IRS1: variants seen among roughly 807,000 people sequenced by gnomAD.
IRS1 encodes the protein insulin receptor substrate 1.
A neutral mutation model predicts 65.6 loss-of-function variants in IRS1; 34 were observed. That is an observed-to-expected ratio of 0.52 (90% CI 0.39 to 0.69). The LOEUF (loss-of-function observed/expected upper bound fraction) is 0.69, where lower values mean the gene tolerates loss of function less well. IRS1 is among the 30% of genes least tolerant of loss of function. The pLI is 0.00. For missense variants in IRS1, 1,641 were observed against 1,720.2 expected (o/e 0.95, Z 0.81); for synonymous variants, 699 against 683.5 (o/e 1.02, Z -0.35).
chr2:226,741,720 C>T (rs777359831), intron 1 of IRS1, among the ~76,000 whole-genome samples: 5 of 149,986 alleles, frequency 3.3e-5, no homozygotes, highest in African/African-American at 7.3e-5. Flanking sequence ...TTCTAGAATG[C>T]TTATTAATAA....
At chr2:226,741,169 TAA>T in intron 1 of IRS1, among the ~76,000 whole-genome samples, 1 of 152,186 alleles carries the variant, frequency 6.6e-6, no homozygotes, top group Non-Finnish European at 1.5e-5. Flanking sequence ...ATGCTGCATT[TAA>T]TGTCCCCTCA....
chr2:226,779,928 G>GGCTATTT (rs1352312504), intron 1 of IRS1, among the ~76,000 whole-genome samples: 8 of 152,136 alleles, frequency 5.3e-5, no homozygotes, highest in African/African-American at 1.9e-4. Context: ...ACCTACCAAG[G>GGCTATTT]GCTACACTGG....
chr2:226,781,041 A>G (rs1250241757), intron 1 of IRS1, among the ~76,000 whole-genome samples: 1 of 152,206 alleles, frequency 6.6e-6, no homozygotes, highest in East Asian at 1.9e-4. Context: ...AGTAGGAAGG[A>G]GTGCCATAAA....
At chr2:226,752,640 G>A (rs1938707412) in intron 1 of IRS1, among the ~76,000 whole-genome samples, 2 of 152,234 alleles carry the variant, frequency 1.3e-5, no homozygotes, top group African/African-American at 2.4e-5. Context: ...CTGCTGGACA[G>A]TGCAATTCAC....
At chr2:226,767,159 A>G (rs1452783607) in intron 1 of IRS1, among the ~76,000 whole-genome samples, 1 of 152,244 alleles carries the variant, frequency 6.6e-6, no homozygotes, top group Non-Finnish European at 1.5e-5. Flanking sequence ...TCTAGCCTAC[A>G]GGAAGATTAA....
Position 226,794,153 on chromosome 2 carries a change from C to G in IRS1, c.*21+836G>C, listed in dbSNP as rs1208737584. Among the ~76,000 whole-genome samples the G allele has an allele frequency of 1.3e-5, 2 of 152,168 alleles. No individual in the cohort carries two copies. Among genetic ancestry groups the G allele is most frequent in the African/African-American group, 4.8e-5 (2 of 41,438 alleles). ...AGCCCCCAAATGATATCTGTAATGT[C>G]TCAGTGCAAGAAGAGATAACTATAA... On this transcript the variant is annotated intron_variant, in intron 1 of 1. Transcript: ENST00000305123. The surrounding 1 kb of genome is among the most constrained non-coding windows in gnomAD (Gnocchi z 4.1).
intron 1 of IRS1, among the ~76,000 whole-genome samples, chr2:226,766,352 C>T (rs1036289955): frequency 6.0e-5 from 9 of 149,352 alleles, no homozygotes; most frequent in East Asian, 2.0e-4. Flanking sequence ...TTAGTAGAGA[C>T]GGGGTTTTGC....
At chr2:226,782,425 A>G (rs1269388944) in intron 1 of IRS1, among the ~76,000 whole-genome samples, 2 of 152,204 alleles carry the variant, frequency 1.3e-5, no homozygotes, top group Non-Finnish European at 2.9e-5. Context: ...AATAATCAGC[A>G]ACTTTGTGTT....
At chr2:226,792,190 A>C (rs1197050327) in intron 1 of IRS1, 2 of 152,146 alleles carry the variant, frequency 1.3e-5, no homozygotes, top group East Asian at 3.9e-4. Context: ...AATGACAAAA[A>C]CAAAAAAACT....
At chr2:226,770,540 C>A (rs557960222) in intron 1 of IRS1, among the ~76,000 whole-genome samples, 1 of 152,278 alleles carries the variant, frequency 6.6e-6, no homozygotes, top group South Asian at 2.1e-4. Flanking sequence ...TAGTGAATGG[C>A]TTTACAAATA....
rs1938314078 is a variant in IRS1, at chr2:226,735,844, G to A, written c.*428C>T. 6.5e-6 allele frequency: 1 copy of A among 152,744 alleles called. No individual in the cohort carries two copies. The highest frequency in any genetic ancestry group is 1.5e-5 in the Non-Finnish European group (1 of 68,030). The allele number at this position is 152,744 out of a possible 1,614,324, so 9.5% of individuals were successfully genotyped here. On this transcript the variant is annotated 3_prime_UTR_variant, in exon 2 of 2. Coordinates refer to ENST00000305123, the MANE Select transcript of IRS1 (RefSeq NM_005544.3). ...ATACTCTCTCCACCCAACGTGAACAGTTTTGTATGAAATAATTTACAATGA... is the reference window on the plus strand; with the variant it reads ...ATACTCTCTCCACCCAACGTGAACAATTTTGTATGAAATAATTTACAATGA...
intron 1 of IRS1, among the ~76,000 whole-genome samples, chr2:226,774,214 C>CA (rs1260273347): frequency 6.6e-6 from 1 of 152,054 alleles, no homozygotes; most frequent in African/African-American, 2.4e-5. Flanking sequence ...TATACTGAAT[C>CA]AAAATCACAA....
chr2:226,784,000 T>C (rs1939438002), intron 1 of IRS1, among the ~76,000 whole-genome samples: 1 of 151,870 alleles, frequency 6.6e-6, no homozygotes, highest in Admixed American at 6.6e-5. Context: ...ACTAGATATG[T>C]GAGGAAGAGC....
intron 1 of IRS1, among the ~76,000 whole-genome samples, chr2:226,771,325 G>A (rs974933183): frequency 3.9e-5 from 6 of 152,064 alleles, no homozygotes; most frequent in African/African-American, 1.2e-4. Context: ...GCTGTCCGGT[G>A]GCTCAGTAGG....
At chr2:226,772,498 A>G (rs1234547622) in intron 1 of IRS1, among the ~76,000 whole-genome samples, 1 of 152,148 alleles carries the variant, frequency 6.6e-6, no homozygotes, top group Non-Finnish European at 1.5e-5. Context: ...CTTGCACTAA[A>G]ACAAATACAG....
At chr2:226,783,035 A>T (rs185625911) in intron 1 of IRS1, among the ~76,000 whole-genome samples, 2 of 152,328 alleles carry the variant, frequency 1.3e-5, no homozygotes, top group East Asian at 3.9e-4. Flanking sequence ...CCTCTAACCT[A>T]GTTCATAGTA....
chr2:226,798,332 C>A lies in IRS1; in HGVS notation c.407G>T (p.Cys136Phe). 4.3e-6 allele frequency: 7 copies of A among 1,613,432 alleles called. No individual in the cohort carries two copies. Among genetic ancestry groups the A allele is most frequent in the Non-Finnish European group, 5.9e-6 (7 of 1,179,910 alleles). Reference sequence around the variant, plus strand: ...CTCACCAAGGCCGGAGCTGCCGCTGCAGCTGCCCCCACCACCTCCCGCCCC... The same window carrying A: ...CTCACCAAGGCCGGAGCTGCCGCTGAAGCTGCCCCCACCACCTCCCGCCCC... The part of the protein sequence containing the change: ...ALGAGGGGGS[C>F]SGSSGLGEAG... The change falls in exon 1 of 2, where the codon TGC (cysteine) becomes TTC (phenylalanine). Residue 136 changes from cysteine to phenylalanine, a missense_variant. Cys to Phe is a radical substitution (Grantham distance 205). This residue lies in a region of IRS1 where 240 missense variants were observed against 229.6 expected (regional missense o/e 1.05). Transcript: ENST00000305123. The surrounding 1 kb of genome is among the most constrained non-coding windows in gnomAD (Gnocchi z 9.4).
In IRS1 at chr2:226,732,708, A is replaced by AACACACACACAC. The variant is rs61536436; in HGVS notation, c.*3552_*3563dup. 3.0e-5 allele frequency: 4 copies of AACACACACACAC among 132,270 alleles called. No individual in the cohort carries two copies. Among genetic ancestry groups the AACACACACACAC allele is most frequent in the African/African-American group, 1.0e-4 (4 of 38,304 alleles). The allele number at this position is 132,270 out of a possible 1,614,324, so 8.2% of individuals were successfully genotyped here. A position where few individuals can be genotyped will look rare whatever the true frequency, so the allele number is the denominator to read the frequency against. The stretch of plus-strand genomic sequence containing the variant: ...ACACACATATATATACACACACACA[A>AACACACACACAC]ACACACACACACACACACACACACA... On this transcript the variant is annotated 3_prime_UTR_variant, in exon 2 of 2. Coordinates refer to ENST00000305123, the MANE Select transcript of IRS1 (RefSeq NM_005544.3).
Position 226,797,528 on chromosome 2 carries a change from G to T in IRS1, c.1211C>A (p.Ser404Ter). The T allele has an allele frequency of 1.2e-6, 2 of 1,611,062 alleles. No homozygotes were observed. The highest frequency in any genetic ancestry group is 8.5e-7 in the Non-Finnish European group (1 of 1,179,248). The change falls in exon 1 of 2, where the codon TCG (serine) becomes TAG (stop). Residue 404 changes from serine to a stop codon, truncating the protein, a stop_gained. Transcript: ENST00000305123. LOFTEE classifies it high-confidence loss of function. This position sits in a 1 kb window ranked among gnomAD's most constrained non-coding sequence, Gnocchi z 8.1. ...SSSTSGHGST[S>*]DCLFPRRSSA... The stretch of plus-strand genomic sequence containing the variant: ...AGATCGCCGTGGGAAGAGACAATCC[G>T]AGGTGGAGCCATGGCCACTGGTGCT...
Sources: allele counts gnomAD v4.1 joint callset (sites outside exome capture counted in the v4.1 genomes callset), GRCh38; gene constraint gnomAD v4.1.1; regional missense constraint gnomAD v4.1.1; non-coding constraint Gnocchi (gnomAD v3.1); transcripts MANE v1.5; gene names NCBI Gene and HGNC (gene_info 2026-07-23, HGNC 2026-07-21).